The following NTRK1 variants were observed in gnomAD, a reference collection of about 807,000 sequenced individuals.
NTRK1 encodes high affinity nerve growth factor receptor.
Under a neutral mutation model 86.8 loss-of-function variants are expected in NTRK1, and 62 were observed. That is an observed-to-expected ratio of 0.71 (90% confidence interval 0.58 to 0.88). NTRK1 has a LOEUF of 0.88. Among genes scored for constraint, NTRK1 ranks in the 40% least tolerant of loss-of-function variants. The pLI, the probability that NTRK1 is intolerant of heterozygous loss-of-function variation, is 0.00. For missense variants in NTRK1, 967 were observed against 1,078.4 expected (o/e 0.90, Z 1.45); for synonymous variants, 469 against 456.6 (o/e 1.03, Z -0.35).
At chr1:156,878,439 G>T (rs1397576168) in intron 14 of NTRK1, among the ~76,000 whole-genome samples, 1 of 152,184 alleles carries the variant, frequency 6.6e-6, no homozygotes, top group Non-Finnish European at 1.5e-5. Flanking sequence ...CTGCACTGTA[G>T]CCCCAGTGCT....
chr1:156,833,769 T>A (rs148955403), intron 1 of NTRK1, among the ~76,000 whole-genome samples: 29 of 152,306 alleles, frequency 1.9e-4, no homozygotes, highest in African/African-American at 6.7e-4. Flanking sequence ...TTCTGTTAGG[T>A]TCTGCCAGTA....
chr1:156,816,207 G>C lies in NTRK1; in HGVS notation c.-64+369G>C, dbSNP rs1172507177. Reference sequence around the variant, plus strand: ...TCTGGAGGGCTGGGACAGTCTTAACGACAGGAAAAACGCAGAAGGGCAGCA... The same window carrying C: ...TCTGGAGGGCTGGGACAGTCTTAACCACAGGAAAAACGCAGAAGGGCAGCA... On this transcript the variant is annotated intron_variant, in intron 1 of 16. Coordinates refer to the NTRK1 transcript ENST00000392302. 3.4e-6 allele frequency: 5 copies of C among 1,456,468 alleles called. No homozygotes were observed. In the African/African-American group the frequency reaches 7.2e-5, roughly 21 times the overall value. 90.2% of individuals were successfully genotyped at this position (1,456,468 alleles called of 1,614,324 possible).
intron 2 of NTRK1, chr1:156,851,118 T>C: frequency 1.4e-6 from 1 of 734,466 alleles, no homozygotes. Flanking sequence ...AATGTTATAT[T>C]AGCCCTATTT....
chr1:156,880,192 T>A (rs1218598729), intron 16 of NTRK1, 35 bp downstream of exon 16: 4 of 1,609,148 alleles, frequency 2.5e-6, no homozygotes, highest in Non-Finnish European at 3.4e-6. Flanking sequence ...CTTGCTGGCC[T>A]CCCCGTCCCA....
At chr1:156,831,742 C>T (rs1654471334) in intron 1 of NTRK1, among the ~76,000 whole-genome samples, 1 of 152,118 alleles carries the variant, frequency 6.6e-6, no homozygotes, top group Non-Finnish European at 1.5e-5. Context: ...ATCACAGGAA[C>T]TAGAGGATGT....
chr1:156,827,505 A>G (rs575345974), intron 1 of NTRK1, among the ~76,000 whole-genome samples: 1 of 152,084 alleles, frequency 6.6e-6, no homozygotes, highest in African/African-American at 2.4e-5. Context: ...CAGGTGATCC[A>G]TACACCTCGG....
intron 1 of NTRK1, among the ~76,000 whole-genome samples, chr1:156,825,998 G>A (rs1171115979): frequency 6.6e-6 from 1 of 152,156 alleles, no homozygotes; most frequent in Non-Finnish European, 1.5e-5. Context: ...AGAACCAGAT[G>A]GTCTGGTTTC....
rs374447592 is a variant in NTRK1 at position 156,864,336 on chromosome 1, C to T, written c.213-18C>T. 41 of 1,613,924 alleles carry T rather than the reference C, an allele frequency of 2.5e-5. No homozygotes were observed. The highest frequency in any genetic ancestry group is 3.5e-5 in the Non-Finnish European group (41 of 1,179,818). ...GTGTGGGCCTGAGCCCTGTGACTCC[C>T]ATCCGCTCTCCCCACAGCTACATCG... On this transcript the variant is annotated intron_variant, in intron 1 of 16. Coordinates refer to ENST00000524377, the MANE Select transcript of NTRK1 (RefSeq NM_002529.4).
intron 2 of NTRK1, chr1:156,845,017 T>G: frequency 6.4e-7 from 1 of 1,553,360 alleles, no homozygotes. Context: ...CCCCAAACCT[T>G]TGCACAGGGT....
intron 7 of NTRK1, 140 bp downstream of exon 7, chr1:156,871,895 C>T (rs2102900888): frequency 1.7e-6 from 2 of 1,206,476 alleles, no homozygotes; most frequent in African/African-American, 1.5e-5. Flanking sequence ...TCCAGATTCC[C>T]ATGAAAACCT....
intron 1 of NTRK1, among the ~76,000 whole-genome samples, chr1:156,831,063 G>T (rs1459699193): frequency 1.3e-5 from 2 of 152,148 alleles, no homozygotes; most frequent in Non-Finnish European, 2.9e-5. Flanking sequence ...GCCCTGAAAG[G>T]GCTCCCAAAT....
chr1:156,875,707 G>GTGTGTT, intron 12 of NTRK1, 41 bp downstream of exon 12: 1 of 1,512,262 alleles, frequency 6.6e-7, no homozygotes, highest in Non-Finnish European at 9.0e-7. Context: ...ACGAGTGTGT[G>GTGTGTT]TGTGTGTGTG....
chr1:156,851,287 T>C, intron 2 of NTRK1: 1 of 1,614,138 alleles, frequency 6.2e-7, no homozygotes, highest in South Asian at 1.1e-5. Flanking sequence ...GCCTAACCCT[T>C]ACCCATCCAC....
At chr1:156,880,772 A>G (rs1284315210) in intron 16 of NTRK1, among the ~76,000 whole-genome samples, 1 of 152,212 alleles carries the variant, frequency 6.6e-6, no homozygotes, top group African/African-American at 2.4e-5. Context: ...AAGAAATGGA[A>G]TTAGTGCCGC....
intron 7 of NTRK1, 41 bp downstream of exon 7, chr1:156,871,796 T>A (rs369850240): frequency 6.2e-7 from 1 of 1,613,386 alleles, no homozygotes; most frequent in Non-Finnish European, 8.5e-7. Context: ...CCCCTACTCA[T>A]CTCTTCTTCC....
At chr1:156,841,236 A>AAT in intron 1 of NTRK1, 2 of 941,146 alleles carry the variant, frequency 2.1e-6, no homozygotes, top group Non-Finnish European at 3.3e-6. Context: ...GAAGGGATTA[A>AAT]ATGGGAGTCT....
chr1:156,833,064 C>T (rs1654504454), intron 1 of NTRK1, among the ~76,000 whole-genome samples: 1 of 152,190 alleles, frequency 6.6e-6, no homozygotes, highest in Non-Finnish European at 1.5e-5. Context: ...CTCCAAAGCC[C>T]TCTTGGCCCA....
At position 156,875,700 on chromosome 1, in the gene NTRK1, AGTGTGT is replaced by A. The variant is rs56185968; in HGVS notation, c.1501+65_1501+70del. 1.3e-3 allele frequency: 1,776 copies of A among 1,385,660 alleles called. 1 individual carries two copies. The African/African-American group carries it at 0.013, about 10-fold the overall frequency. The allele number at this position is 1,385,660 out of a possible 1,614,324, so 85.8% of individuals were successfully genotyped here. On this transcript the variant is annotated intron_variant, in intron 12 of 16. Coordinates refer to ENST00000524377, the MANE Select transcript of NTRK1 (RefSeq NM_002529.4). ...CTATGCTGGGTCAAGGGCAGGGACG[AGTGTGT>A]GTGTGTGTGTGTGTGTGTGTGTGTG...
intron 13 of NTRK1, 21 bp downstream of exon 13, chr1:156,876,231 G>T (rs1172433913): frequency 2.5e-6 from 4 of 1,613,488 alleles, no homozygotes; most frequent in Admixed American, 1.7e-5. Flanking sequence ...GCCCCGGGGG[G>T]TACTGCTGGC....
Sources: allele counts gnomAD v4.1 joint callset (sites outside exome capture counted in the v4.1 genomes callset), GRCh38; gene constraint gnomAD v4.1.1; transcripts MANE v1.5; gene names NCBI Gene and HGNC (gene_info 2026-07-23, HGNC 2026-07-21).